Variants in NOL10 observed in about 807,000 individuals in gnomAD.
The protein encoded by NOL10 is nucleolar protein 10.
NOL10 carries 58 observed loss-of-function variants against 103.5 expected under a neutral mutation model. The ratio of observed to expected loss-of-function variants is 0.56; its 90% confidence interval spans 0.45 to 0.70. NOL10 has a LOEUF of 0.70. NOL10 is among the 30% of genes least tolerant of loss of function. NOL10 has a pLI of 0.00. For missense variants in NOL10, 763 were observed against 807.3 expected (o/e 0.95, Z 0.67); for synonymous variants, 287 against 282.5 (o/e 1.02, Z -0.16).
chr2:10,675,638 G>A (rs1293857803), intron 4 of NOL10, among the ~76,000 whole-genome samples, 156 bp downstream of exon 4: 1 of 152,188 alleles, frequency 6.6e-6, no homozygotes, highest in Admixed American at 6.5e-5. Flanking sequence ...ACAACTGTGA[G>A]CTACTAAATG....
intron 9 of NOL10, 60 bp downstream of exon 9, chr2:10,662,899 G>A: frequency 2.5e-6 from 3 of 1,202,354 alleles, no homozygotes; most frequent in Non-Finnish European, 3.7e-6. Context: ...ATTTAATATA[G>A]ACACATTACT....
intron 2 of NOL10, among the ~76,000 whole-genome samples, chr2:10,683,906 C>G (rs993483195): frequency 1.3e-5 from 2 of 152,138 alleles, no homozygotes; most frequent in African/African-American, 4.8e-5. Context: ...CGGTAACAGG[C>G]TAACTTATTA....
At chr2:10,614,511 G>T (rs1676735211) in intron 13 of NOL10, among the ~76,000 whole-genome samples, 1 of 152,164 alleles carries the variant, frequency 6.6e-6, no homozygotes, top group Non-Finnish European at 1.5e-5. Flanking sequence ...CTTCAGTAAG[G>T]TCTGGGTCAG....
chr2:10,573,085 C>A (rs13011892), intron 20 of NOL10, among the ~76,000 whole-genome samples: 1 of 151,034 alleles, frequency 6.6e-6, no homozygotes, highest in African/African-American at 2.4e-5. Context: ...AATTTCTTAG[C>A]GGTGGAACTG....
intron 13 of NOL10, among the ~76,000 whole-genome samples, chr2:10,608,275 A>G (rs2148195344): frequency 6.6e-6 from 1 of 152,354 alleles, no homozygotes; most frequent in East Asian, 1.9e-4. Flanking sequence ...AAGGCTGAGG[A>G]ACAAAAGGCT....
At chr2:10,637,188 C>CAAAAAAAAAAAA (rs61693251) in intron 13 of NOL10, among the ~76,000 whole-genome samples, 7 of 44,524 alleles carry the variant, frequency 1.6e-4, no homozygotes, top group Non-Finnish European at 2.0e-4. Context: ...GACACTGTCT[C>CAAAAAAAAAAAA]AAAAAAAAAA....
At chr2:10,584,487 C>T (rs1388578552) in intron 19 of NOL10, among the ~76,000 whole-genome samples, 1 of 143,282 alleles carries the variant, frequency 7.0e-6, no homozygotes, top group Non-Finnish European at 1.5e-5. Flanking sequence ...CTACCATTCA[C>T]GATCCACCTT....
At chr2:10,580,850 T>C (rs2148146433) in intron 19 of NOL10, among the ~76,000 whole-genome samples, 1 of 152,254 alleles carries the variant, frequency 6.6e-6, no homozygotes, top group South Asian at 2.1e-4. Context: ...TAAAGGCATG[T>C]GCTTCAGGAC....
At chr2:10,668,812 T>A (rs1011681308) in intron 6 of NOL10, 89 bp from the exon 7 acceptor site, 2 of 457,266 alleles carry the variant, frequency 4.4e-6, no homozygotes, top group Non-Finnish European at 7.6e-6. Context: ...ATATTACTCA[T>A]AAGCCACCAC....
intron 12 of NOL10, among the ~76,000 whole-genome samples, chr2:10,649,920 T>C (rs187480279): frequency 8.7e-4 from 132 of 152,152 alleles, no homozygotes; most frequent in African/African-American, 2.9e-3. Context: ...ATATTACTCT[T>C]CTTAGATTTT....
intron 13 of NOL10, among the ~76,000 whole-genome samples, chr2:10,642,207 A>G (rs944167983): frequency 7.9e-5 from 12 of 152,202 alleles, no homozygotes; most frequent in African/African-American, 2.7e-4. Flanking sequence ...ACAGCTCTCT[A>G]TCAATGAACA....
At chr2:10,590,270 G>C (rs368533833) in intron 17 of NOL10, among the ~76,000 whole-genome samples, 2 of 152,122 alleles carry the variant, frequency 1.3e-5, no homozygotes, top group African/African-American at 4.8e-5. Context: ...CACCGCACCC[G>C]GCTAATTTTT....
intron 18 of NOL10, 34 bp from the exon 19 acceptor site, chr2:10,589,324 C>A: frequency 1.9e-6 from 3 of 1,608,698 alleles, no homozygotes; most frequent in Non-Finnish European, 2.5e-6. Flanking sequence ...CAACTCCTTT[C>A]CCCCAGTCAA....
chr2:10,659,051 C>A, intron 10 of NOL10, 121 bp downstream of exon 10: 1 of 704,786 alleles, frequency 1.4e-6, no homozygotes, highest in South Asian at 1.7e-5. Flanking sequence ...TCTGGAATAC[C>A]CTCTGGTCTG....
At chr2:10,645,634 C>T (rs1337119641) in intron 12 of NOL10, among the ~76,000 whole-genome samples, 2 of 151,064 alleles carry the variant, frequency 1.3e-5, no homozygotes, top group South Asian at 2.1e-4. Flanking sequence ...CCTGGGTTCA[C>T]GTCATTCTCC....
rs553261270 is a variant in NOL10 at position 10,588,957 on chromosome 2, A to G, written c.1844+86T>C. 3.9e-6 allele frequency: 6 copies of G among 1,545,094 alleles called. No individual in the cohort carries two copies. The Admixed American group carries it at 9.2e-5, about 24-fold the overall frequency. ...CTGCACCTCCATCATCCAAAGACAG[A>G]AATGTCATCTTTAGGGCAATGTGCC... On this transcript the variant is annotated intron_variant, in intron 19 of 20. Transcript: ENST00000381685.
intron 1 of NOL10, among the ~76,000 whole-genome samples, chr2:10,688,158 CTG>C (rs1682345370): frequency 6.6e-6 from 1 of 152,186 alleles, no homozygotes; most frequent in Non-Finnish European, 1.5e-5. Context: ...CTGAATCTCA[CTG>C]TGTTTTAGCA....
In NOL10 at chr2:10,589,382, T is replaced by A; in HGVS notation, c.1597-92A>T. The A allele has an allele frequency of 8.6e-6, 13 of 1,515,604 alleles. No individual in the cohort carries two copies. The South Asian group carries it at 1.1e-4, about 13-fold the overall frequency. The allele number at this position is 1,515,604 out of a possible 1,614,324, so 93.9% of individuals were successfully genotyped here. ...GAAGCAGCACTGGCCCATTAATGAG[T>A]GCCTAACAGCTGCTCTACTGCATGC... On this transcript the variant is annotated intron_variant, in intron 18 of 20. Transcript: ENST00000381685.
intron 13 of NOL10, among the ~76,000 whole-genome samples, chr2:10,621,582 AGACCC>A (rs1677151475): frequency 6.6e-6 from 1 of 152,228 alleles, no homozygotes; most frequent in South Asian, 2.1e-4. Context: ...CAACAGAATA[AGACCC>A]TGTCTCAAAA....
Sources: allele counts gnomAD v4.1 joint callset (sites outside exome capture counted in the v4.1 genomes callset), GRCh38; gene constraint gnomAD v4.1.1; transcripts MANE v1.5; gene names NCBI Gene and HGNC (gene_info 2026-07-23, HGNC 2026-07-21).